Variants in FERMT2 observed in about 807,000 individuals in gnomAD.
The protein encoded by FERMT2 is fermitin family homolog 2.
FERMT2 carries 15 observed loss-of-function variants against 82.7 expected under a neutral mutation model. The ratio of observed to expected loss-of-function variants is 0.18; its 90% CI spans 0.12 to 0.28. The LOEUF is 0.28. Ranked by LOEUF, FERMT2 falls within the 10% of genes least tolerant of loss-of-function variation. FERMT2 has a pLI of 1.00. For synonymous variants in FERMT2, 274 were observed against 271.5 expected (o/e 1.01, Z -0.09); for missense variants, 645 against 809.4 (o/e 0.80, Z 2.46).
chr14:52,926,149 A>AAAAGGAAAATGGTGATCTAC (rs59388902), intron 2 of FERMT2, among the ~76,000 whole-genome samples: 1 of 151,932 alleles, frequency 6.6e-6, no homozygotes, highest in Non-Finnish European at 1.5e-5. Context: ...TGATGACTTT[A>AAAAGGAAAATGGTGATCTAC]AAATACTTAC....
At chr14:52,925,354 T>C (rs902370879) in intron 2 of FERMT2, among the ~76,000 whole-genome samples, 2 of 151,888 alleles carry the variant, frequency 1.3e-5, no homozygotes, top group East Asian at 1.9e-4. Flanking sequence ...AAGTTGGAGT[T>C]TGAGACCAGC....
chr14:52,880,760 A>G (rs1886247444), intron 6 of FERMT2, among the ~76,000 whole-genome samples: 1 of 151,790 alleles, frequency 6.6e-6, no homozygotes, highest in Non-Finnish European at 1.5e-5. Flanking sequence ...TGACACTCTA[A>G]GAGCTTAGAG....
intron 3 of FERMT2, among the ~76,000 whole-genome samples, chr14:52,901,751 TTCATTC>T: frequency 6.6e-6 from 1 of 152,112 alleles, no homozygotes. Context: ...CCAAGCAAAA[TTCATTC>T]TCACAGCCTC....
chr14:52,919,854 G>A (rs1470279342), intron 2 of FERMT2, among the ~76,000 whole-genome samples: 1 of 152,296 alleles, frequency 6.6e-6, no homozygotes, highest in East Asian at 1.9e-4. Flanking sequence ...CCTAGGTGAA[G>A]AGGAGGAACA....
intron 13 of FERMT2, chr14:52,860,018 C>G: frequency 3.8e-6 from 1 of 265,478 alleles, no homozygotes. Context: ...AGGGTTTCAC[C>G]GTGTTAGCCA....
At position 52,893,352 on chromosome 14, in the gene FERMT2, T is replaced by A. The variant is rs746912955; in HGVS notation, c.467A>T (p.Asp156Val). ...DPTKKKKKKL[D>V]DQSEDEALEL... ...AAGTGCCTCATCTTCAGACTGGTCA[T>A]CTAGCTTCTTCTTTTTTTTCTTTGT... Residue 156 changes from aspartate (D) to valine (V), a missense_variant, in exon 4 of 15, where the codon GAT becomes GTT. Transcript: ENST00000341590. The A allele has an allele frequency of 6.8e-6, 11 of 1,613,092 alleles. No homozygotes were observed. Among genetic ancestry groups the A allele is most frequent in the Non-Finnish European group, 2.5e-6 (3 of 1,179,620 alleles).
intron 3 of FERMT2, among the ~76,000 whole-genome samples, chr14:52,916,357 A>G (rs60640390): frequency 0.01 from 1,529 of 146,858 alleles, 24 homozygotes; most frequent in African/African-American, 0.037. Flanking sequence ...AAAAAAGAAG[A>G]AGAAAAGAAA....
intron 3 of FERMT2, among the ~76,000 whole-genome samples, chr14:52,908,886 G>C (rs1217685489): frequency 6.6e-6 from 1 of 152,130 alleles, no homozygotes; most frequent in Non-Finnish European, 1.5e-5. Flanking sequence ...CTATTGCTCA[G>C]TTTGACTGAC....
intron 3 of FERMT2, among the ~76,000 whole-genome samples, chr14:52,897,075 CCCT>C (rs1887324956): frequency 6.6e-6 from 1 of 150,384 alleles, no homozygotes; most frequent in Non-Finnish European, 1.5e-5. Context: ...GAAGTTACCT[CCCT>C]CCTCAAAAAA....
chr14:52,878,834 A>G, intron 6 of FERMT2, 145 bp from the exon 7 acceptor site: 1 of 529,940 alleles, frequency 1.9e-6, no homozygotes, highest in Non-Finnish European at 3.3e-6. Flanking sequence ...ATTTACAATC[A>G]AGTATTATTA....
intron 2 of FERMT2, among the ~76,000 whole-genome samples, chr14:52,920,337 A>C (rs1888887346): frequency 6.6e-6 from 1 of 152,230 alleles, no homozygotes; most frequent in Admixed American, 6.5e-5. Flanking sequence ...CAAAACACAC[A>C]CAAAAAGAAC....
chr14:52,942,534 C>T (rs1890141585), intron 2 of FERMT2, among the ~76,000 whole-genome samples: 1 of 151,986 alleles, frequency 6.6e-6, no homozygotes, highest in Non-Finnish European at 1.5e-5. Flanking sequence ...GATCTCCTGA[C>T]CTCGTGAGCC....
At chr14:52,874,012 A>G (rs1885802853) in intron 9 of FERMT2, among the ~76,000 whole-genome samples, 165 bp downstream of exon 9, 1 of 152,078 alleles carries the variant, frequency 6.6e-6, no homozygotes, top group Non-Finnish European at 1.5e-5. Flanking sequence ...TAATTTTGTA[A>G]AAGTGGTTAT....
At chr14:52,930,445 A>G (rs774996660) in intron 2 of FERMT2, among the ~76,000 whole-genome samples, 5 of 152,224 alleles carry the variant, frequency 3.3e-5, no homozygotes, top group Admixed American at 1.3e-4. Flanking sequence ...ACTGTATCAT[A>G]AAGCCTTTTG....
At chr14:52,876,144 T>G (rs755885162) in intron 7 of FERMT2, among the ~76,000 whole-genome samples, 33 of 152,338 alleles carry the variant, frequency 2.2e-4, no homozygotes, top group Non-Finnish European at 4.1e-4. Context: ...GCACTCCAAA[T>G]GTCTAAAGTA....
chr14:52,920,571 T>C lies in FERMT2; in HGVS notation c.158-1215A>G, dbSNP rs144876998. ...ATCACTTGAGCCCATAAGGTCAAGGTTGCAGCGAGCTGTGATGTGAAACTA... is the reference window on the plus strand; with the variant it reads ...ATCACTTGAGCCCATAAGGTCAAGGCTGCAGCGAGCTGTGATGTGAAACTA... On this transcript the variant is annotated intron_variant, in intron 2 of 14. Coordinates refer to ENST00000341590, the MANE Select transcript of FERMT2 (RefSeq NM_006832.3). 1.6e-3 allele frequency among the ~76,000 whole-genome samples: 240 copies of C among 151,768 alleles called. 2 individuals carry two copies. Among genetic ancestry groups the C allele is most frequent in the African/African-American group, 5.2e-3 (213 of 41,350 alleles).
intron 2 of FERMT2, among the ~76,000 whole-genome samples, chr14:52,938,929 A>G (rs1393151831): frequency 1.3e-5 from 2 of 152,124 alleles, no homozygotes; most frequent in Non-Finnish European, 2.9e-5. Context: ...ATAATTTTGT[A>G]TATGTGGAAG....
In FERMT2 at chr14:52,936,495, G is replaced by A. The variant is rs114555808; in HGVS notation, c.157+13917C>T. On this transcript the variant is annotated intron_variant, in intron 2 of 14. Transcript: ENST00000341590. ...GGATAATGCTAAATCTTTTAAACCT[G>A]GTTCAGAAAGCACTTTAGCATTATT... Among the ~76,000 whole-genome samples the A allele has an allele frequency of 9.2e-3, 1,404 of 152,230 alleles. 21 individuals are homozygous for A. Among genetic ancestry groups the A allele is most frequent in the African/African-American group, 0.032 (1,320 of 41,540 alleles).
chr14:52,862,582 T>G (rs1448563949), intron 12 of FERMT2: 1 of 152,422 alleles, frequency 6.6e-6, no homozygotes, highest in African/African-American at 2.4e-5. Flanking sequence ...GTGGGAGGAT[T>G]GCTTGAGCCT....
Sources: gnomAD v4.1 joint callset for allele counts (sites outside exome capture counted in the v4.1 genomes callset) on GRCh38, gnomAD v4.1.1 for gene constraint, MANE v1.5 for transcripts, NCBI Gene and HGNC (gene_info 2026-07-23, HGNC 2026-07-21) for gene names.